The following STK24 variants were observed in gnomAD, a reference collection of about 807,000 sequenced individuals.
The protein encoded by STK24 is serine/threonine kinase 24.
Under a neutral mutation model 55.6 loss-of-function variants are expected in STK24, and 21 were observed. That is an observed-to-expected ratio of 0.38 (90% CI 0.27 to 0.54). STK24 has a LOEUF of 0.54. Ranked by LOEUF, STK24 falls within the 20% of genes least tolerant of loss-of-function variation. The pLI is 0.79. For missense variants in STK24, 383 were observed against 538.4 expected, an observed-to-expected ratio of 0.71 and a Z score of 2.86; for synonymous variants, 200 against 215.2, an observed-to-expected ratio of 0.93 and a Z score of 0.62.
rs1265231252 is a variant in STK24 at position 98,450,956 on chromosome 13, ATGC to A, written c.*2214_*2216del. On this transcript the variant is annotated 3_prime_UTR_variant, in exon 11 of 11. Coordinates refer to ENST00000539966, the MANE Select transcript of STK24 (RefSeq NM_001032296.4). ...CAAACCCCACCTCCCCCGACAGGAA[ATGC>A]TGCCAGTCAACTCTAAAAGAACCAC... The A allele has an allele frequency of 6.6e-6, 1 of 152,230 alleles. No individual in the cohort carries two copies. The highest frequency in any genetic ancestry group is 2.4e-5 in the African/African-American group (1 of 41,430). 9.4% of individuals were successfully genotyped at this position (152,230 alleles called of 1,614,324 possible).
In STK24 at chr13:98,517,275, G is replaced by A. The variant is rs767165075; in HGVS notation, c.273+1968C>T. Among the ~76,000 whole-genome samples, 10 of 152,298 alleles carry A rather than the reference G, an allele frequency of 6.6e-5. 1 individual carries two copies. The highest frequency in any genetic ancestry group is 2.2e-4 in the African/African-American group (9 of 41,564). ...GAAGTAATTTCACAGGGAATAGTACGCAGTACAGTGGACAGAATCCAAACT... is the reference window on the plus strand; with the variant it reads ...GAAGTAATTTCACAGGGAATAGTACACAGTACAGTGGACAGAATCCAAACT... On this transcript the variant is annotated intron_variant, in intron 2 of 10. Coordinates refer to ENST00000539966, the MANE Select transcript of STK24 (RefSeq NM_001032296.4).
chr13:98,550,626 G>A (rs1303683831), intron 1 of STK24, among the ~76,000 whole-genome samples: 1 of 152,158 alleles, frequency 6.6e-6, no homozygotes, highest in Admixed American at 6.5e-5. Flanking sequence ...AAGTCCAGTT[G>A]TCCTTTCTAA....
Position 98,531,092 on chromosome 13 carries a change from T to C in STK24, c.43-11619A>G, listed in dbSNP as rs527632044. 3.3e-5 allele frequency among the ~76,000 whole-genome samples: 5 copies of C among 152,334 alleles called. No individual in the cohort carries two copies. The South Asian group carries it at 1.0e-3, about 32-fold the overall frequency. ...TAAAATACCCTGGAAAGCCATGTCATCTAATTAAACTGGCCATTAAATGTG... is the reference window on the plus strand; with the variant it reads ...TAAAATACCCTGGAAAGCCATGTCACCTAATTAAACTGGCCATTAAATGTG... On this transcript the variant is annotated intron_variant, in intron 1 of 10. Transcript: ENST00000539966.
At position 98,568,713 on chromosome 13, in the gene STK24, CAAA is replaced by C. The variant is rs769336946; in HGVS notation, c.42+8029_42+8031del. 1.3e-3 allele frequency among the ~76,000 whole-genome samples: 205 copies of C among 151,900 alleles called. 1 individual carries two copies. Among genetic ancestry groups the C allele is most frequent in the Admixed American group, 1.6e-3 (25 of 15,266 alleles). On this transcript the variant is annotated intron_variant, in intron 1 of 10. Transcript: ENST00000539966. ...GAAACCTCATCTCTACTAAAAAATA[CAAA>C]AATTAGCCAGGCATGGTGGTGGGCG...
At chr13:98,515,267 C>T (rs1896017550) in intron 2 of STK24, among the ~76,000 whole-genome samples, 1 of 152,118 alleles carries the variant, frequency 6.6e-6, no homozygotes, top group Non-Finnish European at 1.5e-5. Flanking sequence ...TCTCTCTCCC[C>T]TCCTGCACAC....
intron 1 of STK24, among the ~76,000 whole-genome samples, chr13:98,547,084 T>C (rs1897048657): frequency 6.6e-6 from 1 of 152,122 alleles, no homozygotes; most frequent in Admixed American, 6.5e-5. Flanking sequence ...GCTAATTTTT[T>C]TGTATTTTTA....
At chr13:98,557,166 C>T (rs1239455126) in intron 1 of STK24, among the ~76,000 whole-genome samples, 2 of 152,208 alleles carry the variant, frequency 1.3e-5, no homozygotes, top group African/African-American at 4.8e-5. Context: ...GCTACTCCCT[C>T]TTCAATCACC....
intron 2 of STK24, among the ~76,000 whole-genome samples, chr13:98,511,129 G>A (rs1180792230): frequency 6.6e-6 from 1 of 152,192 alleles, no homozygotes; most frequent in Non-Finnish European, 1.5e-5. Flanking sequence ...TTTCCAAAGT[G>A]TTGGAATTAC....
chr13:98,558,806 A>G (rs1206473602), intron 1 of STK24, among the ~76,000 whole-genome samples: 1 of 152,092 alleles, frequency 6.6e-6, no homozygotes, highest in Non-Finnish European at 1.5e-5. Flanking sequence ...CTTACAATTG[A>G]AAAACTGTGC....
intron 2 of STK24, among the ~76,000 whole-genome samples, chr13:98,517,444 G>A (rs1477629030): frequency 6.6e-6 from 1 of 152,108 alleles, no homozygotes; most frequent in Non-Finnish European, 1.5e-5. Flanking sequence ...TGGACAACAT[G>A]GTGAAACCCC....
chr13:98,461,066 G>C (rs939636471), intron 8 of STK24, among the ~76,000 whole-genome samples: 1 of 151,380 alleles, frequency 6.6e-6, no homozygotes, highest in African/African-American at 2.4e-5. Flanking sequence ...GAGAGAGAGA[G>C]AGAGAGAGAG....
At chr13:98,523,624 C>T (rs1333018835) in intron 1 of STK24, among the ~76,000 whole-genome samples, 5 of 152,210 alleles carry the variant, frequency 3.3e-5, no homozygotes, top group Non-Finnish European at 5.9e-5. Flanking sequence ...CAATGACATC[C>T]GCCCACTTCC....
At chr13:98,573,195 A>G (rs1264703774) in intron 1 of STK24, among the ~76,000 whole-genome samples, 2 of 152,230 alleles carry the variant, frequency 1.3e-5, no homozygotes, top group East Asian at 3.8e-4. Flanking sequence ...ATCCTGATGT[A>G]AAATATATTT....
chr13:98,531,364 T>C (rs1465112311), intron 1 of STK24, among the ~76,000 whole-genome samples: 1 of 152,168 alleles, frequency 6.6e-6, no homozygotes, highest in African/African-American at 2.4e-5. Flanking sequence ...AAAAACCAAG[T>C]GCTCTTTTGT....
At chr13:98,481,889 A>AAACAAC (rs753407168) in intron 3 of STK24, among the ~76,000 whole-genome samples, 11 of 151,842 alleles carry the variant, frequency 7.2e-5, no homozygotes, top group African/African-American at 2.7e-4. Flanking sequence ...TTCTACCCAA[A>AAACAAC]AACAACAACA....
At chr13:98,517,415 C>T (rs1461452079) in intron 2 of STK24, among the ~76,000 whole-genome samples, 1 of 152,142 alleles carries the variant, frequency 6.6e-6, no homozygotes, top group African/African-American at 2.4e-5. Flanking sequence ...CACCTGAGGT[C>T]AGAAGTTCGA....
chr13:98,447,599 T>C lies in STK24; in HGVS notation c.*5574A>G, dbSNP rs368055354. 2 of 152,582 alleles carry C rather than the reference T, an allele frequency of 1.3e-5. No homozygotes were observed. The allele number at this position is 152,582 out of a possible 1,614,324, so 9.5% of individuals were successfully genotyped here. A position where few individuals can be genotyped will look rare whatever the true frequency, so the allele number is the denominator to read the frequency against. On this transcript the variant is annotated 3_prime_UTR_variant, in exon 11 of 11. Transcript: ENST00000539966. ...TAGATGCCCGCAGCAACCCCTCAGT[T>C]GGGACATCTAAAAATGTCTCCAGAC... is the stretch of plus-strand genomic sequence containing the variant.
Position 98,560,331 on chromosome 13 carries a change from A to G in STK24, c.42+16414T>C, listed in dbSNP as rs79035589. Reference sequence around the variant, plus strand: ...TTTATACAAGGAATGTATTATTTCAATGACTACTGCCCTGCCACTCAAAAT... The same window carrying G: ...TTTATACAAGGAATGTATTATTTCAGTGACTACTGCCCTGCCACTCAAAAT... On this transcript the variant is annotated intron_variant, in intron 1 of 10. Transcript: ENST00000539966. Among the ~76,000 whole-genome samples, 21 of 152,206 alleles carry G rather than the reference A, an allele frequency of 1.4e-4. 1 individual carries two copies. The East Asian group carries it at 3.5e-3, about 25-fold the overall frequency.
At chr13:98,495,097 T>C (rs975122432) in intron 2 of STK24, among the ~76,000 whole-genome samples, 1 of 152,242 alleles carries the variant, frequency 6.6e-6, no homozygotes, top group African/African-American at 2.4e-5. Flanking sequence ...AACTTGTTAC[T>C]ACCAGACAAG....
Sources: allele counts gnomAD v4.1 joint callset (sites outside exome capture counted in the v4.1 genomes callset), GRCh38; gene constraint gnomAD v4.1.1; transcripts MANE v1.5; gene names NCBI Gene and HGNC (gene_info 2026-07-23, HGNC 2026-07-21).